Variants in LMO1 observed in about 807,000 individuals in gnomAD.
The protein encoded by LMO1 is rhombotin-1.
Under a neutral mutation model 18.0 loss-of-function variants are expected in LMO1, and 10 were observed. That is an observed-to-expected ratio of 0.55 (90% confidence interval 0.34 to 0.94). The LOEUF (loss-of-function observed/expected upper bound fraction) is 0.94, where lower values mean the gene tolerates loss of function less well. Among genes scored for constraint, LMO1 ranks in the 40% least tolerant of loss-of-function variants. The pLI is 0.02. For missense variants in LMO1, 183 were observed against 205.7 expected (o/e 0.89, Z 0.68); for synonymous variants, 77 against 77.9 (o/e 0.99, Z 0.06).
At chr11:8,268,149 G>A (rs925010398), upstream of LMO1, among the ~76,000 whole-genome samples, 7 of 152,256 alleles carry the variant, frequency 4.6e-5, no homozygotes, top group South Asian at 1.4e-3. Context: ...AAAGTTCCCA[G>A]CCGGAGCGCG....
At chr11:8,259,769 C>T (rs1847155539) in intron 1 of LMO1, among the ~76,000 whole-genome samples, 1 of 152,212 alleles carries the variant, frequency 6.6e-6, no homozygotes, top group African/African-American at 2.4e-5. Context: ...CCAGCAAGGG[C>T]TGGTTGGTAC....
chr11:8,255,396 T>TG (rs1267030667), intron 1 of LMO1, among the ~76,000 whole-genome samples: 1 of 152,122 alleles, frequency 6.6e-6, no homozygotes, highest in African/African-American at 2.4e-5. Context: ...AGTCTCAGCT[T>TG]GGGAGACTGA....
chr11:8,232,583 C>T (rs1032169912), intron 1 of LMO1, among the ~76,000 whole-genome samples: 9 of 152,154 alleles, frequency 5.9e-5, no homozygotes, highest in Non-Finnish European at 1.0e-4. Flanking sequence ...AGCAGAGGTA[C>T]GCACTCAAAC....
intron 3 of LMO1, among the ~76,000 whole-genome samples, chr11:8,226,211 C>T (rs1461194362): frequency 1.3e-5 from 2 of 152,056 alleles, no homozygotes; most frequent in African/African-American, 2.4e-5. Flanking sequence ...AACACGTATA[C>T]AGGCTGGGCG....
chr11:8,251,993 CGTGTGT>C (rs36146184), intron 1 of LMO1, among the ~76,000 whole-genome samples: 11 of 142,306 alleles, frequency 7.7e-5, no homozygotes. Context: ...TGGGGGTGTG[CGTGTGT>C]GTGTGTGAAT....
upstream of LMO1, among the ~76,000 whole-genome samples, chr11:8,266,894 G>A (rs1025519612): frequency 4.6e-5 from 7 of 152,254 alleles, no homozygotes; most frequent in African/African-American, 1.7e-4. Flanking sequence ...TTGGGGTGAC[G>A]AGGACCCCTT....
upstream of LMO1, among the ~76,000 whole-genome samples, chr11:8,266,507 C>T (rs1847262851): frequency 6.6e-6 from 1 of 152,230 alleles, no homozygotes; most frequent in South Asian, 2.1e-4. Flanking sequence ...CATGTACTCT[C>T]ACTTCGACAA....
At chr11:8,251,676 T>A (rs1024791433) in intron 1 of LMO1, among the ~76,000 whole-genome samples, 4 of 151,038 alleles carry the variant, frequency 2.6e-5, no homozygotes, top group East Asian at 3.9e-4. Flanking sequence ...TGTTTGTGTG[T>A]GAGAGAGAGA....
intron 1 of LMO1, among the ~76,000 whole-genome samples, chr11:8,239,665 G>A (rs919520663): frequency 6.6e-6 from 1 of 152,178 alleles, no homozygotes; most frequent in South Asian, 2.1e-4. Context: ...GGAGCAGAGA[G>A]GTCCTGGAGA....
chr11:8,268,648 G>A (rs1173289380), upstream of LMO1: 2 of 331,192 alleles, frequency 6.0e-6, no homozygotes, highest in Admixed American at 5.0e-5. Flanking sequence ...GAGGGACTGG[G>A]GGGAAGGCGC....
chr11:8,237,713 C>T (rs1565180130), intron 1 of LMO1, among the ~76,000 whole-genome samples: 1 of 152,368 alleles, frequency 6.6e-6, no homozygotes, highest in African/African-American at 2.4e-5. Context: ...GGCTGAGAGG[C>T]TAGGCTCCGC....
intron 1 of LMO1, 47 bp downstream of exon 1, chr11:8,263,291 A>G (rs204931): frequency 0.99 from 1,566,168 of 1,575,054 alleles, 778,913 homozygotes; most frequent in East Asian, 1. Context: ...GCGCCGCGGC[A>G]GGGGGCGAGG....
chr11:8,229,798 G>A (rs1240682915), intron 2 of LMO1, among the ~76,000 whole-genome samples: 1 of 152,236 alleles, frequency 6.6e-6, no homozygotes, highest in Admixed American at 6.5e-5. Context: ...ATGGCTGCCT[G>A]CCAGTTTCCC....
chr11:8,261,768 C>CG (rs894152998), intron 1 of LMO1, among the ~76,000 whole-genome samples: 3 of 152,032 alleles, frequency 2.0e-5, no homozygotes, highest in Non-Finnish European at 2.9e-5. Context: ...CTGTCTGGCC[C>CG]AACCCCAGAC....
At chr11:8,233,788 C>T (rs1020987349) in intron 1 of LMO1, among the ~76,000 whole-genome samples, 2 of 151,714 alleles carry the variant, frequency 1.3e-5, no homozygotes, top group East Asian at 1.9e-4. Flanking sequence ...ACCTGAGCCT[C>T]GGGCCATGCA....
intron 1 of LMO1, among the ~76,000 whole-genome samples, chr11:8,251,436 C>T (rs955070049): frequency 1.3e-5 from 2 of 152,194 alleles, no homozygotes; most frequent in African/African-American, 2.4e-5. Flanking sequence ...TCCACCGCCC[C>T]GTAACAGCCA....
intron 1 of LMO1, among the ~76,000 whole-genome samples, chr11:8,257,711 T>C (rs930945514): frequency 1.3e-5 from 2 of 152,238 alleles, no homozygotes; most frequent in African/African-American, 4.8e-5. Context: ...CCTAGAGACC[T>C]CTTCCCAAGG....
chr11:8,261,915 C>A (rs186697663), intron 1 of LMO1, among the ~76,000 whole-genome samples: 50 of 152,266 alleles, frequency 3.3e-4, no homozygotes, highest in African/African-American at 1.1e-3. Flanking sequence ...GAGGTTCCCC[C>A]CATCCTCTCT....
intron 1 of LMO1, among the ~76,000 whole-genome samples, 193 bp downstream of exon 1, chr11:8,263,145 T>TC (rs1396431588): frequency 6.7e-6 from 1 of 149,304 alleles, no homozygotes; most frequent in Non-Finnish European, 1.5e-5. Context: ...CTCGACCTCC[T>TC]CCCCCCGCAA....
Sources: gnomAD v4.1 joint callset for allele counts (sites outside exome capture counted in the v4.1 genomes callset) on GRCh38, gnomAD v4.1.1 for gene constraint, MANE v1.5 for transcripts, NCBI Gene and HGNC (gene_info 2026-07-23, HGNC 2026-07-21) for gene names.